SP140: variants seen among roughly 807,000 people sequenced by gnomAD.
The protein encoded by SP140 is SP140 nuclear body protein, also known as nuclear body protein SP140.
Under a neutral mutation model 125.0 loss-of-function variants are expected in SP140, and 81 were observed. The ratio of observed to expected loss-of-function variants is 0.65; its 90% confidence interval spans 0.54 to 0.78. The LOEUF is 0.78. Ranked by LOEUF, SP140 falls within the 30% of genes least tolerant of loss-of-function variation. The pLI is 0.00. For synonymous variants in SP140, 312 were observed against 354.0 expected, an observed-to-expected ratio of 0.88 and a Z score of 1.33; for missense variants, 858 against 1,037.0, an observed-to-expected ratio of 0.83 and a Z score of 2.37.
chr2:230,208,015 G>A lies in SP140; in HGVS notation c.-323+4736G>A, dbSNP rs767029509. On this transcript the variant is annotated intron_variant, in intron 1 of 4. Transcript: ENST00000456542. ...CCTCCTGGGAGGCTTTTTTTCTTAT[G>A]TCTCCTTTTTGGAGTTGACCAGATA... 4.5e-6 allele frequency: 7 copies of A among 1,565,484 alleles called. No homozygotes were observed. The East Asian group carries it at 1.6e-4, about 35-fold the overall frequency.
intron 1 of SP140, among the ~76,000 whole-genome samples, chr2:230,210,708 G>T (rs2044373463): frequency 6.6e-6 from 1 of 152,170 alleles, no homozygotes; most frequent in Non-Finnish European, 1.5e-5. Context: ...ACAAATAAAG[G>T]CTCATCTCAC....
intron 22 of SP140, among the ~76,000 whole-genome samples, chr2:230,302,908 G>A (rs896576640): frequency 2.6e-5 from 4 of 152,142 alleles, no homozygotes; most frequent in Admixed American, 6.5e-5. Flanking sequence ...TACAGGAAAA[G>A]CAATGCTAAG....
Position 230,292,632 on chromosome 2 carries a change from C to A in SP140, c.1826-14C>A. On this transcript the variant is annotated splice_polypyrimidine_tract_variant and intron_variant, in intron 19 of 26. Transcript: ENST00000392045. Reference sequence around the variant, plus strand: ...AAAAAGAGGGCTCAGGATCAAGTTACCCTGGTCTTACAGGAATCTTGGTGA... The same window carrying A: ...AAAAAGAGGGCTCAGGATCAAGTTAACCTGGTCTTACAGGAATCTTGGTGA... The A allele has an allele frequency of 6.2e-7, 1 of 1,614,060 alleles. No individual in the cohort carries two copies. Among genetic ancestry groups the A allele is most frequent in the Non-Finnish European group, 8.5e-7 (1 of 1,179,970 alleles).
chr2:230,191,986 C>G, the SP140 span, among the ~76,000 whole-genome samples: 2 of 152,160 alleles, frequency 1.3e-5, no homozygotes, highest in Admixed American at 6.5e-5. Context: ...TCAACATACA[C>G]AAATCAATAA....
At chr2:230,255,613 A>G in intron 12 of SP140, 81 bp downstream of exon 12, 9 of 1,301,814 alleles carry the variant, frequency 6.9e-6, no homozygotes, top group South Asian at 1.2e-5. Context: ...TTCCTGATTG[A>G]CTTTCCTCTG....
chr2:230,220,782 T>C (rs2045746845), upstream of SP140, among the ~76,000 whole-genome samples: 1 of 152,114 alleles, frequency 6.6e-6, no homozygotes, highest in Non-Finnish European at 1.5e-5. Context: ...GATGGGAGGA[T>C]TGCTTGAGCC....
At chr2:230,207,284 A>G (rs1469257634) in intron 1 of SP140, among the ~76,000 whole-genome samples, 1 of 152,132 alleles carries the variant, frequency 6.6e-6, no homozygotes, top group Admixed American at 6.6e-5. Flanking sequence ...CTCTCTTAGC[A>G]TTGCCTTTGG....
chr2:230,213,285 G>T (rs142196612), intron 1 of SP140, among the ~76,000 whole-genome samples: 1 of 152,296 alleles, frequency 6.6e-6, no homozygotes, highest in Non-Finnish European at 1.5e-5. Context: ...ACACATAAAA[G>T]TTGAGTTTGG....
At chr2:230,258,290 T>G (rs540763505) in intron 12 of SP140, among the ~76,000 whole-genome samples, 2 of 152,188 alleles carry the variant, frequency 1.3e-5, no homozygotes, top group Admixed American at 6.5e-5. Context: ...GTAGGAGTTA[T>G]AGAGTTGCTA....
intron 14 of SP140, among the ~76,000 whole-genome samples, chr2:230,270,314 A>G (rs192599280): frequency 1.1e-4 from 16 of 152,296 alleles, no homozygotes; most frequent in Non-Finnish European, 2.4e-4. Context: ...GGCCACACTC[A>G]AAAGACAACT....
rs201755330 is a variant in SP140, at chr2:230,312,621, G to A, written c.2541G>A (p.Glu847=). The stretch of plus-strand genomic sequence containing the variant: ...TTGGCCAAATGGGATTTAGACTGGA[G>A]GCTGAGTTTGAGAAGAATTTCAAGG... ...KDFGQMGFRL[E]AEFEKNFKEV... is the part of the protein sequence containing the mutation. Residue 847 remains glutamate, a synonymous_variant, in exon 27 of 27, where the codon GAG becomes GAA. Transcript: ENST00000392045. 1.1e-3 allele frequency: 1,813 copies of A among 1,612,788 alleles called. 30 individuals are homozygous for A. The South Asian group carries it at 0.019, about 17-fold the overall frequency.
chr2:230,229,456 C>CT (rs1163771237), intron 1 of SP140, among the ~76,000 whole-genome samples: 973 of 57,638 alleles, frequency 0.017, 305 homozygotes, highest in African/African-American at 0.033. Flanking sequence ...TGAAGAAATT[C>CT]TTTTTTTTTT....
In SP140 at chr2:230,248,926, G is replaced by A; in HGVS notation, c.934G>A (p.Glu312Lys). Reference sequence around the variant, plus strand: ...AACTCCCCAAGTCACTAATGAAGGAGAACCAGAGAAGGGGCTCTGTCTACT... The same window carrying A: ...AACTCCCCAAGTCACTAATGAAGGAAAACCAGAGAAGGGGCTCTGTCTACT... ...LKTPQVTNEG[E>K]PEKGLCLLPG... The change falls in exon 9 of 27, where the codon GAA (glutamate) becomes AAA (lysine). Residue 312 changes from glutamate (E) to lysine (K), a missense_variant. Physicochemically the swap from Glu to Lys is moderately conservative, Grantham distance 56 (BLOSUM62 1). Coordinates refer to ENST00000392045, the MANE Select transcript of SP140 (RefSeq NM_007237.5). The A allele has an allele frequency of 3.7e-6, 6 of 1,612,802 alleles. No individual in the cohort carries two copies. Among genetic ancestry groups the A allele is most frequent in the Non-Finnish European group, 5.1e-6 (6 of 1,178,876 alleles).
At chr2:230,276,226 T>C (rs1412529443) in intron 15 of SP140, among the ~76,000 whole-genome samples, 1 of 152,102 alleles carries the variant, frequency 6.6e-6, no homozygotes, top group Non-Finnish European at 1.5e-5. Context: ...AGAGGAGAAG[T>C]CAATGCCTGG....
rs761019296 is a variant in SP140, at chr2:230,237,032, A to G, written c.60-51A>G. 2 of 1,455,104 alleles carry G rather than the reference A, an allele frequency of 1.4e-6. No homozygotes were observed. The highest frequency in any genetic ancestry group is 1.8e-6 in the Non-Finnish European group (2 of 1,089,818). The allele number at this position is 1,455,104 out of a possible 1,614,324, so 90.1% of individuals were successfully genotyped here. ...TGTCTAAAATCTTCTAACCACCACA[A>G]ACCTCTTGGAAACTCAGTGTCTACT... On this transcript the variant is annotated intron_variant, in intron 1 of 26. Transcript: ENST00000392045. The surrounding 1 kb of genome is among the most constrained non-coding windows in gnomAD (Gnocchi z 5.4).
In SP140 at chr2:230,241,455, A is replaced by G; in HGVS notation, c.458A>G (p.Asp153Gly). 6.3e-7 allele frequency: 1 copy of G among 1,589,144 alleles called. No homozygotes were observed. Among genetic ancestry groups the G allele is most frequent in the Non-Finnish European group, 8.6e-7 (1 of 1,157,288 alleles). Residue 153 changes from aspartate to glycine, a missense_variant, in exon 4 of 27, where the codon GAT becomes GGT. Physicochemically the swap from Asp to Gly is moderately conservative, Grantham distance 94 (BLOSUM62 -1). Around this residue, in one of 4 missense-constraint regions of SP140, gnomAD observed 791 missense variants for 869.5 expected, o/e 0.91. Coordinates refer to ENST00000392045, the MANE Select transcript of SP140 (RefSeq NM_007237.5). ...LQMNNVNDLE[D>G]RPRLLPYGKQ... is the part of the protein sequence containing the mutation. Reference sequence around the variant, plus strand: ...ATGAATAATGTAAACGATTTAGAAGATAGACCCAGATTACTACCATATGGT... The same window carrying G: ...ATGAATAATGTAAACGATTTAGAAGGTAGACCCAGATTACTACCATATGGT...
chr2:230,205,049 A>T (rs1164545401), intron 1 of SP140, among the ~76,000 whole-genome samples: 1 of 152,226 alleles, frequency 6.6e-6, no homozygotes, highest in Non-Finnish European at 1.5e-5. Context: ...GACAGTGAAC[A>T]TTACCCTAAG....
chr2:230,237,343 G>A lies in SP140; in HGVS notation c.237+83G>A. The A allele has an allele frequency of 7.8e-7, 1 of 1,280,640 alleles. No homozygotes were observed. The highest frequency in any genetic ancestry group is 2.4e-5 in the East Asian group (1 of 41,442). The allele number at this position is 1,280,640 out of a possible 1,614,324, so 79.3% of individuals were successfully genotyped here. Reference sequence around the variant, plus strand: ...TCAAGATGCAATGAGCAGGCTAAAGGGCCTCCTGTGAGTGGGGACCTTCAC... The same window carrying A: ...TCAAGATGCAATGAGCAGGCTAAAGAGCCTCCTGTGAGTGGGGACCTTCAC... On this transcript the variant is annotated intron_variant, in intron 2 of 26. Coordinates refer to ENST00000392045, the MANE Select transcript of SP140 (RefSeq NM_007237.5). The surrounding 1 kb of genome is among the most constrained non-coding windows in gnomAD (Gnocchi z 5.4).
chr2:230,256,939 G>A (rs192858769), intron 12 of SP140, among the ~76,000 whole-genome samples: 62 of 152,276 alleles, frequency 4.1e-4, no homozygotes, highest in African/African-American at 1.4e-3. Context: ...AAAACCTCAA[G>A]ACTTAGATAG....
Sources: allele counts gnomAD v4.1 joint callset (sites outside exome capture counted in the v4.1 genomes callset), GRCh38; gene constraint gnomAD v4.1.1; regional missense constraint gnomAD v4.1.1; non-coding constraint Gnocchi (gnomAD v3.1); transcripts MANE v1.5; gene names NCBI Gene and HGNC (gene_info 2026-07-23, HGNC 2026-07-21).